FBP1: variants seen among roughly 807,000 people sequenced by gnomAD.
FBP1 encodes fructose-bisphosphatase 1, also known as fructose-1,6-bisphosphatase 1.
A neutral mutation model predicts 29.9 loss-of-function variants in FBP1; 22 were observed. The observed-to-expected ratio is 0.74, with a 90% CI of 0.53 to 1.05. The LOEUF is 1.05. Among genes scored for constraint, FBP1 ranks in the 50% least tolerant of loss-of-function variants. The pLI, the probability that FBP1 is intolerant of heterozygous loss-of-function variation, is 0.00. For missense variants in FBP1, 345 were observed against 448.2 expected, an observed-to-expected ratio of 0.77 and a Z score of 2.08; for synonymous variants, 175 against 178.6, an observed-to-expected ratio of 0.98 and a Z score of 0.16.
upstream of FBP1, chr9:94,640,159 C>T (rs945602806): frequency 1.3e-5 from 2 of 152,232 alleles, no homozygotes; most frequent in Non-Finnish European, 2.9e-5. Flanking sequence ...GGAAGTTTCC[C>T]GGAAAACGGT....
At position 94,606,816 on chromosome 9, in the gene FBP1, G is replaced by C. The variant is rs201064471; in HGVS notation, c.704C>G (p.Pro235Arg). ...CACCCTCCCCGGGCCCTCACTTACT[G>C]GGGGGAACTTCTTCCTCTGGATGTA... ...TEYIQRKKFP[P>R]DNSAPYGARY... The change falls in exon 5 of 7, where the codon CCA becomes CGA. Residue 235 changes from proline to arginine, a missense_variant and splice_region_variant. Transcript: ENST00000375326. 1.4e-5 allele frequency: 23 copies of C among 1,612,930 alleles called. No homozygotes were observed. The highest frequency in any genetic ancestry group is 1.7e-5 in the Non-Finnish European group (20 of 1,179,176).
intron 1 of FBP1, among the ~76,000 whole-genome samples, chr9:94,634,124 T>C (rs1828154717): frequency 6.6e-6 from 1 of 150,612 alleles, no homozygotes; most frequent in East Asian, 2.0e-4. Flanking sequence ...AGAAACCCCG[T>C]CTCTACTGAA....
intron 1 of FBP1, among the ~76,000 whole-genome samples, chr9:94,638,765 G>A (rs985623467): frequency 6.6e-6 from 1 of 152,226 alleles, no homozygotes; most frequent in African/African-American, 2.4e-5. Flanking sequence ...AGGCACCTGA[G>A]CTAGCACTTT....
intron 1 of FBP1, among the ~76,000 whole-genome samples, chr9:94,638,496 G>A (rs1828228955): frequency 6.6e-6 from 1 of 152,188 alleles, no homozygotes; most frequent in Non-Finnish European, 1.5e-5. Flanking sequence ...TTGAAGCCCT[G>A]GGTGTTTCCT....
At chr9:94,618,067 A>G (rs1490037281) in intron 2 of FBP1, among the ~76,000 whole-genome samples, 1 of 152,154 alleles carries the variant, frequency 6.6e-6, no homozygotes, top group Non-Finnish European at 1.5e-5. Context: ...CAGAGAAAAT[A>G]CCACTTAAGA....
intron 4 of FBP1, among the ~76,000 whole-genome samples, chr9:94,608,671 GTTTA>G (rs768828431): frequency 6.7e-6 from 1 of 149,628 alleles, no homozygotes; most frequent in Non-Finnish European, 1.5e-5. Flanking sequence ...CCCTACCCTT[GTTTA>G]TTTGTTAAGT....
chr9:94,610,338 T>C (rs958655917), intron 3 of FBP1, among the ~76,000 whole-genome samples: 6 of 152,206 alleles, frequency 3.9e-5, no homozygotes, highest in African/African-American at 1.4e-4. Context: ...CCACTATCAG[T>C]TCCAAAAAAG....
rs1343862221 is a variant in FBP1 at position 94,639,228 on chromosome 9, G to T, written c.83C>A (p.Thr28Lys). 1 of 1,601,150 alleles carries T rather than the reference G, an allele frequency of 6.2e-7. No individual in the cohort carries two copies. Among genetic ancestry groups the T allele is most frequent in the East Asian group, 2.3e-5 (1 of 44,156 alleles). The change falls in exon 1 of 7, where the codon ACG becomes AAG. Residue 28 changes from threonine (T) to lysine (K), a missense_variant. Transcript: ENST00000375326. ...VMEEGRKARG[T>K]GELTQLLNSL... ...GTTGAGCAGCTGGGTCAACTCGCCC[G>T]TGCCGCGGGCCTTCCTGCCCTCCTC...
intron 3 of FBP1, among the ~76,000 whole-genome samples, chr9:94,613,756 C>A (rs1827819695): frequency 7.0e-6 from 1 of 143,252 alleles, no homozygotes; most frequent in Non-Finnish European, 1.5e-5. Flanking sequence ...CAGAGTGAGA[C>A]CTTGTCTCAA....
chr9:94,612,318 T>C (rs1827796684), intron 3 of FBP1, among the ~76,000 whole-genome samples: 1 of 152,082 alleles, frequency 6.6e-6, no homozygotes, highest in Non-Finnish European at 1.5e-5. Flanking sequence ...AGGCCCCTTT[T>C]CCCAGAGATT....
chr9:94,611,166 T>A (rs1827779319), intron 3 of FBP1, among the ~76,000 whole-genome samples: 1 of 152,196 alleles, frequency 6.6e-6, no homozygotes, highest in Non-Finnish European at 1.5e-5. Context: ...CCCAGCCTGA[T>A]CTTCTTTATT....
chr9:94,615,477 A>G (rs1827849324), intron 3 of FBP1, among the ~76,000 whole-genome samples: 1 of 152,208 alleles, frequency 6.6e-6, no homozygotes, highest in Non-Finnish European at 1.5e-5. Flanking sequence ...TTCCTCTGCA[A>G]GGAAGAATTT....
chr9:94,639,191 T>A lies in FBP1; in HGVS notation c.120A>T (p.Thr40=), dbSNP rs1240180999. The part of the protein sequence containing the change: ...ELTQLLNSLC[T]AVKAISSAVR... ...CCGCCGAAGAGATGGCTTTGACTGC[T>A]GTGCAGAGCGAGTTGAGCAGCTGGG... Residue 40 remains threonine, a synonymous_variant, in exon 1 of 7, where the codon ACA becomes ACT. Transcript: ENST00000375326. 1.2e-6 allele frequency: 2 copies of A among 1,605,538 alleles called. No individual in the cohort carries two copies. Among genetic ancestry groups the A allele is most frequent in the Non-Finnish European group, 1.7e-6 (2 of 1,176,316 alleles).
chr9:94,610,886 C>T (rs1378357235), intron 3 of FBP1, among the ~76,000 whole-genome samples: 14 of 140,570 alleles, frequency 1.0e-4, no homozygotes, highest in African/African-American at 3.5e-4. Context: ...TTTTTTGACA[C>T]GGAGTCTCGC....
At chr9:94,610,508 A>T (rs1399625831) in intron 3 of FBP1, among the ~76,000 whole-genome samples, 4 of 152,254 alleles carry the variant, frequency 2.6e-5, no homozygotes, top group Non-Finnish European at 5.9e-5. Context: ...GCTGCAGCCC[A>T]TACTCTGCTG....
In FBP1 at chr9:94,634,663, G is replaced by A. The variant is rs532176115; in HGVS notation, c.170+4478C>T. The stretch of plus-strand genomic sequence containing the variant: ...GATCTGCACAGTTTCTCTCCCAAGA[G>A]TGGATGGAGGGAGCCAGAAGCCCAG... On this transcript the variant is annotated intron_variant, in intron 1 of 6. Coordinates refer to ENST00000375326, the MANE Select transcript of FBP1 (RefSeq NM_000507.4). 1.5e-3 allele frequency among the ~76,000 whole-genome samples: 224 copies of A among 152,342 alleles called. 1 individual carries two copies. The highest frequency in any genetic ancestry group is 2.8e-3 in the Non-Finnish European group (189 of 68,034).
intron 2 of FBP1, 28 bp from the exon 3 acceptor site, chr9:94,617,888 T>C: frequency 1.3e-6 from 2 of 1,518,442 alleles, no homozygotes; most frequent in Non-Finnish European, 1.8e-6. Flanking sequence ...AAATACAACC[T>C]TAAAATGTTA....
chr9:94,608,998 C>T (rs1367792391), intron 4 of FBP1, among the ~76,000 whole-genome samples: 1 of 152,032 alleles, frequency 6.6e-6, no homozygotes, highest in Non-Finnish European at 1.5e-5. Context: ...GTTAGGAGTT[C>T]GCGACCAGCC....
chr9:94,614,947 C>T (rs951947618), intron 3 of FBP1, among the ~76,000 whole-genome samples: 1 of 152,104 alleles, frequency 6.6e-6, no homozygotes, highest in South Asian at 2.1e-4. Flanking sequence ...CTTGCTCTGT[C>T]ACCCAGGCTG....
Sources: allele counts gnomAD v4.1 joint callset (sites outside exome capture counted in the v4.1 genomes callset), GRCh38; gene constraint gnomAD v4.1.1; transcripts MANE v1.5; gene names NCBI Gene and HGNC (gene_info 2026-07-23, HGNC 2026-07-21).